The following MARK3 variants were observed in gnomAD, a reference collection of about 807,000 sequenced individuals.
MARK3 encodes the protein microtubule affinity regulating kinase 3.
Under a neutral mutation model 90.1 loss-of-function variants are expected in MARK3, and 46 were observed. The ratio of observed to expected loss-of-function variants is 0.51; its 90% CI spans 0.40 to 0.65. MARK3 has a LOEUF of 0.65. Among genes scored for constraint, MARK3 ranks in the 30% least tolerant of loss-of-function variants. The pLI, the probability that MARK3 is intolerant of heterozygous loss-of-function variation, is 0.00. For missense variants in MARK3, 818 were observed against 947.2 expected (o/e 0.86, Z 1.79); for synonymous variants, 321 against 332.6 (o/e 0.97, Z 0.38).
In MARK3 at chr14:103,453,393, G is replaced by A. The variant is rs111970930; in HGVS notation, c.412+1410G>A. On this transcript the variant is annotated intron_variant, in intron 5 of 17. Transcript: ENST00000429436. ...GGTACACATTCTGTTAAACTCTATC[G>A]TAATTTTATCATTAGCACTTTGATC... 1.4e-3 allele frequency among the ~76,000 whole-genome samples: 206 copies of A among 152,248 alleles called. 1 individual carries two copies. The highest frequency in any genetic ancestry group is 4.7e-3 in the African/African-American group (196 of 41,534).
At chr14:103,434,430 T>C (rs1231091241) in intron 3 of MARK3, among the ~76,000 whole-genome samples, 1 of 152,214 alleles carries the variant, frequency 6.6e-6, no homozygotes, top group Non-Finnish European at 1.5e-5. Flanking sequence ...AGCTACAGCA[T>C]GATCCTGCCA....
intron 14 of MARK3, chr14:103,489,899 A>G (rs2093988737): frequency 6.6e-6 from 1 of 152,198 alleles, no homozygotes; most frequent in Non-Finnish European, 1.5e-5. Context: ...CTATCTTACC[A>G]TGTCTGTTAA....
In MARK3 at chr14:103,480,477, G is replaced by C; in HGVS notation, c.1573G>C (p.Gly525Arg). Residue 525 changes from glycine to arginine, a missense_variant, in exon 14 of 18, where the codon GGC becomes CGC. Gly to Arg is a moderately radical substitution (Grantham distance 125). Transcript: ENST00000429436. ...TGATAGACACTCAGTGATTCAGAAT[G>C]GCAAAGAAAACAGGTAGGAGATTCT... ...TADRHSVIQN[G>R]KENSTIPDQR... is the part of the protein sequence containing the mutation. 2 of 1,609,356 alleles carry C rather than the reference G, an allele frequency of 1.2e-6. No homozygotes were observed. The highest frequency in any genetic ancestry group is 1.7e-6 in the Non-Finnish European group (2 of 1,176,850).
At chr14:103,418,638 A>T (rs1759085813) in intron 2 of MARK3, among the ~76,000 whole-genome samples, 1 of 152,050 alleles carries the variant, frequency 6.6e-6, no homozygotes, top group African/African-American at 2.4e-5. Flanking sequence ...ACGTTTCTTC[A>T]TCCTGGGGTG....
At chr14:103,460,073 C>CTTT (rs571611660) in intron 6 of MARK3, among the ~76,000 whole-genome samples, 611 of 41,710 alleles carry the variant, frequency 0.015, 159 homozygotes, top group East Asian at 0.023. Flanking sequence ...CCAGCTCCAT[C>CTTT]TTTTTTTTTT....
At chr14:103,461,783 T>C (rs2093405828) in intron 6 of MARK3, among the ~76,000 whole-genome samples, 1 of 152,076 alleles carries the variant, frequency 6.6e-6, no homozygotes, top group Admixed American at 6.6e-5. Context: ...ACACCTGTAA[T>C]CCTAGCACTT....
At chr14:103,484,180 T>G (rs1383269644) in intron 14 of MARK3, among the ~76,000 whole-genome samples, 3 of 151,542 alleles carry the variant, frequency 2.0e-5, no homozygotes, top group Non-Finnish European at 2.9e-5. Context: ...TTTTTTCTTT[T>G]TTTCTTTTTT....
Position 103,467,132 on chromosome 14 carries a change from A to G in MARK3, c.1051A>G (p.Lys351Glu), listed in dbSNP as rs201422873. The G allele has an allele frequency of 8.6e-5, 138 of 1,603,204 alleles. No individual in the cohort carries two copies. In the African/African-American group the frequency reaches 1.7e-3, roughly 20 times the overall value. The change falls in exon 11 of 18, where the codon AAG (lysine) becomes GAG (glutamate). Residue 351 changes from lysine (K) to glutamate (E), a missense_variant. By Grantham distance (56) the Lys-to-Glu change is moderately conservative (BLOSUM62 1). Around this residue, in one of 3 missense-constraint regions of MARK3, gnomAD observed 560 missense variants for 613.5 expected, o/e 0.91. Transcript: ENST00000429436. ...SQEEIQESLS[K>E]MKYDEITATY... ...AGAAGAAATTCAAGAATCTCTTAGT[A>G]AGATGAAATACGATGAAATCACAGC...
chr14:103,423,928 G>A (rs140307799), intron 2 of MARK3, among the ~76,000 whole-genome samples: 41 of 152,304 alleles, frequency 2.7e-4, no homozygotes, highest in African/African-American at 3.8e-4. Context: ...GAATCAGTCC[G>A]GGCGCGATGG....
intron 13 of MARK3, among the ~76,000 whole-genome samples, chr14:103,479,836 C>T (rs991380242): frequency 2.0e-5 from 3 of 152,026 alleles, no homozygotes; most frequent in Admixed American, 1.3e-4. Context: ...GACGGGTTTT[C>T]TCCATGTTGG....
At chr14:103,416,251 G>A (rs1473358410) in intron 2 of MARK3, among the ~76,000 whole-genome samples, 4 of 152,226 alleles carry the variant, frequency 2.6e-5, no homozygotes, top group Non-Finnish European at 5.9e-5. Context: ...ATTAGAGACA[G>A]CAAGGTAGCT....
At chr14:103,389,105 C>G (rs2090026457) in intron 1 of MARK3, among the ~76,000 whole-genome samples, 1 of 152,106 alleles carries the variant, frequency 6.6e-6, no homozygotes, top group Non-Finnish European at 1.5e-5. Context: ...TGGCTCATAC[C>G]TGTAATCCCA....
intron 14 of MARK3, among the ~76,000 whole-genome samples, chr14:103,483,529 AT>A (rs1256570590): frequency 6.6e-6 from 1 of 152,132 alleles, no homozygotes; most frequent in Non-Finnish European, 1.5e-5. Context: ...AATTTTAATT[AT>A]TTTTTCTTTT....
intron 3 of MARK3, among the ~76,000 whole-genome samples, chr14:103,432,573 C>T (rs954330119): frequency 2.0e-5 from 3 of 152,072 alleles, no homozygotes; most frequent in African/African-American, 4.8e-5. Context: ...GAGGCAGGCC[C>T]GGCACAGTGG....
At chr14:103,408,195 G>T (rs548626530) in intron 2 of MARK3, among the ~76,000 whole-genome samples, 47 of 151,974 alleles carry the variant, frequency 3.1e-4, no homozygotes, top group Non-Finnish European at 4.4e-4. Context: ...TGGCGGGGGG[G>T]AGGTGGTGTT....
At chr14:103,420,281 T>A (rs1487258288) in intron 2 of MARK3, among the ~76,000 whole-genome samples, 1 of 152,092 alleles carries the variant, frequency 6.6e-6, no homozygotes, top group Non-Finnish European at 1.5e-5. Context: ...CAGCCTGGAG[T>A]GCAGTGGTGC....
chr14:103,461,368 CTT>C (rs2093397049), intron 6 of MARK3, among the ~76,000 whole-genome samples: 1 of 152,060 alleles, frequency 6.6e-6, no homozygotes, highest in Non-Finnish European at 1.5e-5. Context: ...TATTAGAAGA[CTT>C]TTTTTAAGTG....
chr14:103,442,702 TA>T (rs2092888914), intron 3 of MARK3, among the ~76,000 whole-genome samples: 1 of 152,166 alleles, frequency 6.6e-6, no homozygotes, highest in Non-Finnish European at 1.5e-5. Context: ...TTAATGATAA[TA>T]AGCTGTGTGT....
At position 103,503,231 on chromosome 14, in the gene MARK3, A is replaced by C. The variant is rs2075769234; in HGVS notation, c.*4A>C. On this transcript the variant is annotated 3_prime_UTR_variant, in exon 18 of 18. Coordinates refer to ENST00000429436, the MANE Select transcript of MARK3 (RefSeq NM_001128918.3). The stretch of plus-strand genomic sequence containing the variant: ...TGCCAATGAGCTAAAGCTGTAACCC[A>C]GTGATTATGATGTAAATTAAGTAGC... 2 of 1,596,842 alleles carry C rather than the reference A, an allele frequency of 1.3e-6. No homozygotes were observed. The highest frequency in any genetic ancestry group is 1.1e-5 in the South Asian group (1 of 89,934).
Sources: allele counts gnomAD v4.1 joint callset (sites outside exome capture counted in the v4.1 genomes callset), GRCh38; gene constraint gnomAD v4.1.1; regional missense constraint gnomAD v4.1.1; transcripts MANE v1.5; gene names NCBI Gene and HGNC (gene_info 2026-07-23, HGNC 2026-07-21).